Variants in FASTKD1 observed in about 807,000 individuals in gnomAD.
FASTKD1 encodes FAST kinase domain-containing protein 1, mitochondrial.
A neutral mutation model predicts 90.9 loss-of-function variants in FASTKD1; 94 were observed. The observed-to-expected ratio is 1.03, with a 90% CI of 0.88 to 1.23. The LOEUF (loss-of-function observed/expected upper bound fraction) is 1.23. Ranked by LOEUF, FASTKD1 falls within the 50% of genes most tolerant of loss-of-function variation. The pLI, the probability that FASTKD1 is intolerant of heterozygous loss-of-function variation, is 0.00. For synonymous variants in FASTKD1, 319 were observed against 345.8 expected (o/e 0.92, Z 0.86); for missense variants, 945 against 993.5 (o/e 0.95, Z 0.66).
rs545365159 is a variant in FASTKD1, at chr2:169,557,232, C to T, written c.1037G>A (p.Gly346Glu). ...LTGEQALAVL[G>E]AMGDMESRNS... ...TCTGCTTTCCATATCTCCCATTGCT[C>T]CCAACACTGCCAGGGCTTGCTCGCC... Residue 346 changes from glycine (G) to glutamate (E), a missense_variant, in exon 6 of 15, where the codon GGA becomes GAA. By Grantham distance (98) the Gly-to-Glu change is moderately conservative. Transcript: ENST00000453153. 7.4e-6 allele frequency: 12 copies of T among 1,613,058 alleles called. No individual in the cohort carries two copies. Among genetic ancestry groups the T allele is most frequent in the Middle Eastern group, 1.7e-4 (1 of 6,056 alleles).
At chr2:169,561,740 T>C (rs1559156348) in intron 4 of FASTKD1, among the ~76,000 whole-genome samples, 1 of 69,182 alleles carries the variant, frequency 1.4e-5, no homozygotes, top group Non-Finnish European at 3.4e-5. Flanking sequence ...ATAAATTAAT[T>C]ATTCATTATA....
chr2:169,560,466 G>A lies in FASTKD1; in HGVS notation c.892C>T (p.Pro298Ser). The change falls in exon 5 of 15, where the codon CCT becomes TCT. Residue 298 changes from proline to serine, a missense_variant. Pro to Ser is a moderately conservative substitution (Grantham distance 74). Transcript: ENST00000453153. ...AAGCTAGCAGGATGATTACACAGAGGAATCATTTCAGTTAGCTTCTTTTTA... is the reference window on the plus strand; with the variant it reads ...AAGCTAGCAGGATGATTACACAGAGAAATCATTTCAGTTAGCTTCTTTTTA... ...MAKKKLTEMIPLCNHPASFVK... is the reference protein window; with the variant it reads ...MAKKKLTEMISLCNHPASFVK... 1 of 1,597,620 alleles carries A rather than the reference G, an allele frequency of 6.3e-7. No individual in the cohort carries two copies. Among genetic ancestry groups the A allele is most frequent in the Non-Finnish European group, 8.5e-7 (1 of 1,173,556 alleles).
Position 169,530,579 on chromosome 2 carries a change from T to C in FASTKD1, c.2442+8A>G. On this transcript the variant is annotated splice_region_variant and intron_variant, in intron 14 of 14. Transcript: ENST00000453153. The stretch of plus-strand genomic sequence containing the variant: ...TTTTAGAGGCTGAATTACATGAGTA[T>C]TTCATACCTGAATTACACGATACCC... The C allele has an allele frequency of 6.5e-7, 1 of 1,538,054 alleles. No homozygotes were observed. The highest frequency in any genetic ancestry group is 8.9e-7 in the Non-Finnish European group (1 of 1,121,538).
chr2:169,566,602 C>A (rs2592786), intron 3 of FASTKD1, among the ~76,000 whole-genome samples: 76,347 of 151,842 alleles, frequency 0.5, 19,476 homozygotes, highest in Middle Eastern at 0.61. Context: ...GTCCCAGAAA[C>A]TTGGGAGGCT....
At chr2:169,569,128 TCTGTTAACC>T in intron 3 of FASTKD1, 47 bp downstream of exon 3, 1 of 1,427,780 alleles carries the variant, frequency 7.0e-7, no homozygotes, top group East Asian at 2.3e-5. Context: ...AAGATTTCAC[TCTGTTAACC>T]CTGAAAAGAA....
intron 4 of FASTKD1, among the ~76,000 whole-genome samples, chr2:169,561,827 T>TAATTTATTGTAAAATAATTATTTATC: frequency 1.4e-5 from 2 of 145,342 alleles, no homozygotes. Context: ...AATTATTTAT[T>TAATTTATTGTAAAATAATTATTTATC]AATTTATTGT....
intron 12 of FASTKD1, among the ~76,000 whole-genome samples, chr2:169,534,598 T>C (rs902186229): frequency 4.6e-5 from 7 of 151,908 alleles, no homozygotes; most frequent in Admixed American, 2.0e-4. Context: ...TAGCTGGGAT[T>C]ACAGGCGTGC....
intron 3 of FASTKD1, among the ~76,000 whole-genome samples, chr2:169,563,920 A>G (rs1400824821): frequency 1.3e-5 from 2 of 152,212 alleles, no homozygotes; most frequent in Non-Finnish European, 1.5e-5. Context: ...TCCTTAAAAC[A>G]TACTGAGCAA....
chr2:169,531,686 T>C (rs993368364), intron 12 of FASTKD1, 196 bp from the exon 13 acceptor site: 11 of 503,208 alleles, frequency 2.2e-5, no homozygotes, highest in Non-Finnish European at 3.8e-5. Flanking sequence ...AATCAATCAA[T>C]AAAAAAATCA....
Position 169,571,963 on chromosome 2 carries a change from G to A in FASTKD1, c.67C>T (p.Pro23Ser), listed in dbSNP as rs142679236. The part of the protein sequence containing the change: ...TNMLRLRAIC[P>S]FSWRVFQFRP... ...AATTGAAACACTCTCCAGGAGAATG[G>A]ACAAATAGCTCTTAGACGAAGCATA... is the stretch of plus-strand genomic sequence containing the variant. Residue 23 changes from proline (P) to serine (S), a missense_variant, in exon 2 of 15, where the codon CCA becomes TCA. By Grantham distance (74) the Pro-to-Ser change is moderately conservative. Transcript: ENST00000453153. 1 of 1,613,562 alleles carries A rather than the reference G, an allele frequency of 6.2e-7. No homozygotes were observed. Among genetic ancestry groups the A allele is most frequent in the Non-Finnish European group, 8.5e-7 (1 of 1,179,784 alleles).
chr2:169,565,141 A>AT (rs1383556944), intron 3 of FASTKD1, among the ~76,000 whole-genome samples: 1 of 148,682 alleles, frequency 6.7e-6, no homozygotes, highest in Admixed American at 6.7e-5. Context: ...TTTAGTAGAG[A>AT]CAGGGTTTCT....
At chr2:169,532,648 T>G (rs1349622954) in intron 12 of FASTKD1, among the ~76,000 whole-genome samples, 3 of 151,774 alleles carry the variant, frequency 2.0e-5, no homozygotes, top group African/African-American at 7.3e-5. Context: ...GGGCTGCAAT[T>G]AGAAAAGTTC....
At chr2:169,533,152 C>T (rs1684565125) in intron 12 of FASTKD1, among the ~76,000 whole-genome samples, 1 of 152,092 alleles carries the variant, frequency 6.6e-6, no homozygotes. Flanking sequence ...TCCCATCTGT[C>T]TACTTACGTT....
intron 3 of FASTKD1, among the ~76,000 whole-genome samples, chr2:169,563,594 A>C (rs1208302740): frequency 1.3e-5 from 2 of 152,196 alleles, no homozygotes; most frequent in African/African-American, 4.8e-5. Flanking sequence ...AGATGACAGA[A>C]CAATTTTGAC....
At chr2:169,553,539 T>C (rs1433358293) in intron 7 of FASTKD1, among the ~76,000 whole-genome samples, 1 of 152,196 alleles carries the variant, frequency 6.6e-6, no homozygotes, top group African/African-American at 2.4e-5. Context: ...ATTACTCAGT[T>C]CAAAACCTTT....
At chr2:169,554,912 T>C (rs943763812) in intron 7 of FASTKD1, among the ~76,000 whole-genome samples, 9 of 152,296 alleles carry the variant, frequency 5.9e-5, no homozygotes, top group Admixed American at 5.2e-4. Flanking sequence ...CCTAGGGAAC[T>C]CATCACCCTG....
intron 7 of FASTKD1, 65 bp downstream of exon 7, chr2:169,555,055 ATAGT>A: frequency 1.4e-6 from 2 of 1,458,110 alleles, no homozygotes; most frequent in Non-Finnish European, 1.9e-6. Flanking sequence ...ACCACTGTAC[ATAGT>A]TAAACAAAAC....
intron 5 of FASTKD1, among the ~76,000 whole-genome samples, chr2:169,558,190 T>C (rs999206152): frequency 1.3e-5 from 2 of 152,254 alleles, no homozygotes; most frequent in South Asian, 2.1e-4. Context: ...AACTGTTTTA[T>C]TGCTTTAGCA....
At chr2:169,545,029 A>T (rs2105358576) in intron 8 of FASTKD1, among the ~76,000 whole-genome samples, 194 bp from the exon 9 acceptor site, 1 of 152,282 alleles carries the variant, frequency 6.6e-6, no homozygotes. Context: ...TAACCCCAAA[A>T]GTGTTAATGT....
Sources: allele counts gnomAD v4.1 joint callset (sites outside exome capture counted in the v4.1 genomes callset), GRCh38; gene constraint gnomAD v4.1.1; transcripts MANE v1.5; gene names NCBI Gene and HGNC (gene_info 2026-07-23, HGNC 2026-07-21).